The following ZBTB20 variants were observed in gnomAD, a reference collection of about 807,000 sequenced individuals.
ZBTB20 encodes the protein zinc finger and BTB domain-containing protein 20.
Under a neutral mutation model 56.9 loss-of-function variants are expected in ZBTB20, and 9 were observed. That is an observed-to-expected ratio of 0.16 (90% CI 0.10 to 0.28). ZBTB20 has a LOEUF of 0.28. Ranked by LOEUF, ZBTB20 falls within the 10% of genes least tolerant of loss-of-function variation. The pLI, the probability that ZBTB20 is intolerant of heterozygous loss-of-function variation, is 1.00. For synonymous variants in ZBTB20, 417 were observed against 420.7 expected, an observed-to-expected ratio of 0.99 and a Z score of 0.11; for missense variants, 655 against 1,003.0, an observed-to-expected ratio of 0.65 and a Z score of 4.69.
chr3:114,564,707 C>A (rs2069192728), intron 6 of ZBTB20, among the ~76,000 whole-genome samples: 1 of 152,210 alleles, frequency 6.6e-6, no homozygotes, highest in Non-Finnish European at 1.5e-5. Flanking sequence ...GTGCTTTCTG[C>A]ACTTCCTTCT....
rs537935233 is a variant in ZBTB20 at position 114,816,706 on chromosome 3, G to A, written c.-416-15532C>T. 5.3e-5 allele frequency among the ~76,000 whole-genome samples: 8 copies of A among 152,144 alleles called. No individual in the cohort carries two copies. In the East Asian group the frequency reaches 1.4e-3, roughly 26 times the overall value. On this transcript the variant is annotated intron_variant, in intron 4 of 11. Transcript: ENST00000675478. Reference sequence around the variant, plus strand: ...CCCATTTAATAGAGATGATAACTTCGCCATTCACATTTTGGGTTTCTCCTA... The same window carrying A: ...CCCATTTAATAGAGATGATAACTTCACCATTCACATTTTGGGTTTCTCCTA...
intron 4 of ZBTB20, among the ~76,000 whole-genome samples, chr3:114,867,041 C>G (rs1435550559): frequency 1.3e-5 from 2 of 152,116 alleles, no homozygotes; most frequent in Non-Finnish European, 2.9e-5. Flanking sequence ...GTTTCTTAAA[C>G]TGCTTTCCCA....
chr3:115,027,634 A>G (rs975598162), intron 2 of ZBTB20: 17 of 150,988 alleles, frequency 1.1e-4, no homozygotes, highest in African/African-American at 3.9e-4. Flanking sequence ...TAATTACCCA[A>G]TTTTGTTAAT....
chr3:114,668,769 T>C (rs1381570857), intron 6 of ZBTB20, among the ~76,000 whole-genome samples: 1 of 151,964 alleles, frequency 6.6e-6, no homozygotes, highest in African/African-American at 2.4e-5. Context: ...AATAAATAAA[T>C]AAAAAGTATA....
In ZBTB20 at chr3:114,394,141, C is replaced by T. The variant is rs112014503; in HGVS notation, c.-254-5036G>A. 4.6e-3 allele frequency among the ~76,000 whole-genome samples: 698 copies of T among 152,266 alleles called. 6 individuals carry two copies. Among genetic ancestry groups the T allele is most frequent in the Admixed American group, 7.0e-3 (107 of 15,298 alleles). ...GATGTCTAAATTTTATCAGGGACTG[C>T]ACCAGGCATTTTTATAAATGAGTAT... On this transcript the variant is annotated intron_variant, in intron 7 of 11. Coordinates refer to ENST00000675478, the MANE Select transcript of ZBTB20 (RefSeq NM_001348800.3).
chr3:114,721,307 A>C (rs1206480375), intron 5 of ZBTB20, among the ~76,000 whole-genome samples: 2 of 152,074 alleles, frequency 1.3e-5, no homozygotes, highest in African/African-American at 4.8e-5. Context: ...GGGAGAGCAT[A>C]AAGGTAATGA....
intron 6 of ZBTB20, among the ~76,000 whole-genome samples, chr3:114,612,934 T>C (rs2057664827): frequency 1.3e-5 from 2 of 152,310 alleles, no homozygotes; most frequent in South Asian, 2.1e-4. Context: ...ATGTGTATTT[T>C]CTTAAAATAT....
At chr3:114,354,086 GTGTGGCTTTTA>G (rs1219858306) in intron 10 of ZBTB20, among the ~76,000 whole-genome samples, 4 of 152,202 alleles carry the variant, frequency 2.6e-5, no homozygotes, top group Non-Finnish European at 5.9e-5. Flanking sequence ...CCGTGATTTA[GTGTGGCTTTTA>G]TGTTTTTAGG....
chr3:115,004,553 A>C (rs1402415658), intron 2 of ZBTB20, among the ~76,000 whole-genome samples: 2 of 151,844 alleles, frequency 1.3e-5, no homozygotes, highest in African/African-American at 2.4e-5. Context: ...TACATGTATA[A>C]AGGAAAGACA....
chr3:114,570,044 G>A lies in ZBTB20; in HGVS notation c.-294-69653C>T, dbSNP rs778656534. Among the ~76,000 whole-genome samples the A allele has an allele frequency of 1.1e-4, 15 of 131,918 alleles. 1 individual carries two copies. Among genetic ancestry groups the A allele is most frequent in the African/African-American group, 1.8e-4 (6 of 33,184 alleles). The allele number at this position is 131,918 out of a possible 152,430, so 86.5% of individuals were successfully genotyped here. A position where few individuals can be genotyped will look rare whatever the true frequency, so the allele number is the denominator to read the frequency against. ...TGGCAAAATATATGCATTCAATTAC[G>A]CACTTCAATAGTATAAAGGGTATTT... On this transcript the variant is annotated intron_variant, in intron 6 of 11. Transcript: ENST00000675478.
At chr3:114,954,834 G>GTT in intron 3 of ZBTB20, among the ~76,000 whole-genome samples, 1 of 152,260 alleles carries the variant, frequency 6.6e-6, no homozygotes, top group South Asian at 2.1e-4. Flanking sequence ...ATTGAGTTCT[G>GTT]GCTAGAACAA....
intron 4 of ZBTB20, among the ~76,000 whole-genome samples, chr3:114,879,937 A>C (rs964796084): frequency 2.0e-5 from 3 of 152,190 alleles, no homozygotes; most frequent in Non-Finnish European, 4.4e-5. Context: ...GAAAGATGAT[A>C]TATATGCTCA....
At chr3:114,722,017 CT>C (rs2064954162) in intron 5 of ZBTB20, among the ~76,000 whole-genome samples, 1 of 152,136 alleles carries the variant, frequency 6.6e-6, no homozygotes, top group African/African-American at 2.4e-5. Flanking sequence ...TCTAGTTTCA[CT>C]AATGTATATC....
intron 1 of ZBTB20, among the ~76,000 whole-genome samples, chr3:115,114,046 C>A (rs997673005): frequency 1.3e-5 from 2 of 151,966 alleles, no homozygotes; most frequent in Non-Finnish European, 2.9e-5. Flanking sequence ...GAACATGCAG[C>A]AATAGATATT....
intron 7 of ZBTB20, among the ~76,000 whole-genome samples, chr3:114,474,462 T>C (rs976761158): frequency 1.3e-5 from 2 of 152,128 alleles, no homozygotes; most frequent in Admixed American, 6.5e-5. Flanking sequence ...AAACCACACA[T>C]AATCCTCCAA....
intron 6 of ZBTB20, among the ~76,000 whole-genome samples, chr3:114,568,021 G>C (rs1455837140): frequency 1.3e-5 from 2 of 152,222 alleles, no homozygotes; most frequent in Non-Finnish European, 2.9e-5. Flanking sequence ...ATGTGCAGCA[G>C]TGTTAAAGGT....
intron 6 of ZBTB20, among the ~76,000 whole-genome samples, chr3:114,579,026 AC>A (rs1433021257): frequency 2.0e-5 from 3 of 151,936 alleles, no homozygotes; most frequent in African/African-American, 7.2e-5. Flanking sequence ...TATGTTAACC[AC>A]CTTTTTTATA....
At chr3:114,930,120 CA>C (rs2076301542) in intron 3 of ZBTB20, among the ~76,000 whole-genome samples, 1 of 152,002 alleles carries the variant, frequency 6.6e-6, no homozygotes, top group Non-Finnish European at 1.5e-5. Context: ...AAACAACAAA[CA>C]AAACACCACA....
At chr3:115,088,119 G>C (rs1276426906) in intron 1 of ZBTB20, among the ~76,000 whole-genome samples, 1 of 151,868 alleles carries the variant, frequency 6.6e-6, no homozygotes, top group African/African-American at 2.4e-5. Context: ...TGCCCTACAG[G>C]ATTTTTCCTG....
Sources: allele counts gnomAD v4.1 joint callset (sites outside exome capture counted in the v4.1 genomes callset), GRCh38; gene constraint gnomAD v4.1.1; transcripts MANE v1.5; gene names NCBI Gene and HGNC (gene_info 2026-07-23, HGNC 2026-07-21).